Variants in PLCB4 observed in about 807,000 individuals in gnomAD.
PLCB4 encodes the protein phospholipase C beta 4.
In PLCB4, 77 loss-of-function variants were observed where a neutral mutation model predicts 178.8. The observed-to-expected ratio is 0.43, with a 90% CI of 0.36 to 0.52. The LOEUF (loss-of-function observed/expected upper bound fraction) is 0.52, where lower values mean the gene tolerates loss of function less well. Ranked by LOEUF, PLCB4 falls within the 20% of genes least tolerant of loss-of-function variation. The pLI is 0.00. For synonymous variants in PLCB4, 496 were observed against 490.8 expected, an observed-to-expected ratio of 1.01 and a Z score of -0.14; for missense variants, 1,024 against 1,453.4, an observed-to-expected ratio of 0.70 and a Z score of 4.80.
intron 25 of PLCB4, among the ~76,000 whole-genome samples, chr20:9,416,016 A>G (rs2040218896): frequency 6.6e-6 from 1 of 152,286 alleles, no homozygotes; most frequent in Non-Finnish European, 1.5e-5. Context: ...TAAGTGTCCT[A>G]TCCCAGGCCA....
chr20:9,155,491 C>T (rs1483244246), intron 2 of PLCB4, among the ~76,000 whole-genome samples: 1 of 152,166 alleles, frequency 6.6e-6, no homozygotes, highest in African/African-American at 2.4e-5. Flanking sequence ...TTTTAGCTGT[C>T]AATCTACTGC....
intron 12 of PLCB4, 79 bp from the exon 13 acceptor site, chr20:9,379,975 A>T: frequency 1.5e-6 from 1 of 685,896 alleles, no homozygotes; most frequent in South Asian, 1.8e-5. Flanking sequence ...ATTTTGTTTT[A>T]TAAATTATAA....
intron 7 of PLCB4, among the ~76,000 whole-genome samples, chr20:9,362,678 C>T (rs773695897): frequency 1.2e-4 from 18 of 152,126 alleles, no homozygotes; most frequent in Non-Finnish European, 2.1e-4. Flanking sequence ...TTTAATGGCA[C>T]AATAGATGGC....
Position 9,102,065 on chromosome 20 carries a change from G to A in PLCB4, c.-79+5723G>A, listed in dbSNP as rs146299726. On this transcript the variant is annotated intron_variant, in intron 2 of 39. Coordinates refer to ENST00000378473, the MANE Select transcript of PLCB4 (RefSeq NM_001377142.1). ...TCACCATGTTTGCCAGGCTGGTCTC[G>A]AACTCCTGACCTCAGGTCATCTGCC... Among the ~76,000 whole-genome samples the A allele has an allele frequency of 2.9e-4, 44 of 152,038 alleles. No homozygotes were observed. The East Asian group carries it at 7.9e-3, about 27-fold the overall frequency.
intron 2 of PLCB4, among the ~76,000 whole-genome samples, chr20:9,190,492 A>G (rs1380950992): frequency 6.6e-6 from 1 of 152,156 alleles, no homozygotes; most frequent in Admixed American, 6.6e-5. Flanking sequence ...CCTGTAAGTC[A>G]ATTTGTAAAC....
intron 1 of PLCB4, among the ~76,000 whole-genome samples, chr20:9,091,530 C>A (rs1372101184): frequency 6.6e-6 from 1 of 151,694 alleles, no homozygotes; most frequent in Non-Finnish European, 1.5e-5. Flanking sequence ...AGGTTCTGAC[C>A]TTCCTAGGTT....
At chr20:9,395,738 A>G (rs942254962) in intron 19 of PLCB4, 120 bp downstream of exon 19, 5 of 647,658 alleles carry the variant, frequency 7.7e-6, no homozygotes, top group Non-Finnish European at 1.3e-5. Flanking sequence ...CCAAGGTGGG[A>G]GGATTGCTTG....
intron 19 of PLCB4, among the ~76,000 whole-genome samples, chr20:9,397,481 G>A (rs940508241): frequency 6.6e-6 from 1 of 152,152 alleles, no homozygotes; most frequent in Admixed American, 6.5e-5. Flanking sequence ...CTAGAATGGT[G>A]AACATCAGAA....
intron 2 of PLCB4, among the ~76,000 whole-genome samples, chr20:9,136,348 G>T (rs1487638496): frequency 6.6e-6 from 1 of 152,084 alleles, no homozygotes; most frequent in Non-Finnish European, 1.5e-5. Context: ...TACAGTGTGT[G>T]CCGATAAGCA....
rs564515937 is a variant in PLCB4, at chr20:9,307,720, C to T, written c.-15-80C>T. On this transcript the variant is annotated intron_variant, in intron 3 of 39. Coordinates refer to ENST00000378473, the MANE Select transcript of PLCB4 (RefSeq NM_001377142.1). ...ATATTTAAAGTAAATCTTCTGCAAA[C>T]ACAGAAATGCGAAGTGATTAACCAT... The T allele has an allele frequency of 6.9e-6, 4 of 576,524 alleles. No homozygotes were observed. In the East Asian group the frequency reaches 1.3e-4, roughly 18 times the overall value. 35.7% of individuals were successfully genotyped at this position (576,524 alleles called of 1,614,324 possible).
intron 12 of PLCB4, among the ~76,000 whole-genome samples, chr20:9,376,469 A>G (rs1259762704): frequency 6.6e-6 from 1 of 152,128 alleles, no homozygotes; most frequent in Non-Finnish European, 1.5e-5. Context: ...TGCCACATCT[A>G]TGTCTCTTAG....
intron 2 of PLCB4, among the ~76,000 whole-genome samples, chr20:9,196,429 T>C (rs978751764): frequency 6.6e-6 from 1 of 152,190 alleles, no homozygotes; most frequent in Admixed American, 6.5e-5. Context: ...TAGACTTTGA[T>C]GAAGGAAAGT....
intron 2 of PLCB4, among the ~76,000 whole-genome samples, chr20:9,104,682 A>G (rs760333479): frequency 2.6e-5 from 4 of 151,788 alleles, no homozygotes; most frequent in Admixed American, 6.6e-5. Context: ...TTTTAGCCCA[A>G]ATTTATCTGG....
At chr20:9,361,959 A>C (rs2035373528) in intron 7 of PLCB4, among the ~76,000 whole-genome samples, 1 of 152,222 alleles carries the variant, frequency 6.6e-6, no homozygotes, top group Non-Finnish European at 1.5e-5. Context: ...ATACCATACT[A>C]GACAGTGCAT....
At chr20:9,375,123 A>G (rs1055686232) in intron 12 of PLCB4, among the ~76,000 whole-genome samples, 5 of 152,132 alleles carry the variant, frequency 3.3e-5, no homozygotes, top group African/African-American at 1.2e-4. Flanking sequence ...TTTCTATCCT[A>G]GTGAACTCAA....
intron 28 of PLCB4, among the ~76,000 whole-genome samples, chr20:9,431,663 T>TGC (rs2041419330): frequency 6.6e-6 from 1 of 151,452 alleles, no homozygotes. Context: ...TGTGTGTGTG[T>TGC]GTGTGTGTGT....
At chr20:9,227,164 A>C (rs1476868731) in intron 3 of PLCB4, among the ~76,000 whole-genome samples, 2 of 148,990 alleles carry the variant, frequency 1.3e-5, no homozygotes, top group South Asian at 4.2e-4. Flanking sequence ...ATGTTGTTGA[A>C]TTCATTGTAA....
chr20:9,375,761 C>T (rs1162512690), intron 12 of PLCB4, among the ~76,000 whole-genome samples: 5 of 152,086 alleles, frequency 3.3e-5, no homozygotes, highest in Non-Finnish European at 5.9e-5. Flanking sequence ...CTGATATAAA[C>T]AATTCCACGG....
At chr20:9,186,003 G>T (rs1237086736) in intron 2 of PLCB4, among the ~76,000 whole-genome samples, 1 of 152,112 alleles carries the variant, frequency 6.6e-6, no homozygotes, top group African/African-American at 2.4e-5. Context: ...AGCGTTTACT[G>T]CCTCTCTAGA....
Sources: allele counts gnomAD v4.1 joint callset (sites outside exome capture counted in the v4.1 genomes callset), GRCh38; gene constraint gnomAD v4.1.1; transcripts MANE v1.5; gene names NCBI Gene and HGNC (gene_info 2026-07-23, HGNC 2026-07-21).